Variants in GALNTL6 observed in about 807,000 individuals in gnomAD.
GALNTL6 encodes polypeptide N-acetylgalactosaminyltransferase-like 6.
GALNTL6 carries 46 observed loss-of-function variants against 73.7 expected under a neutral mutation model. The observed-to-expected ratio is 0.62, with a 90% CI of 0.49 to 0.80. The LOEUF (loss-of-function observed/expected upper bound fraction) is 0.80. Among genes scored for constraint, GALNTL6 ranks in the 30% least tolerant of loss-of-function variants. GALNTL6 has a pLI of 0.00. For missense variants in GALNTL6, 604 were observed against 755.0 expected (o/e 0.80, Z 2.34); for synonymous variants, 259 against 263.7 (o/e 0.98, Z 0.17).
At position 172,893,721 on chromosome 4, in the gene GALNTL6, G is replaced by C. The variant is rs545898943; in HGVS notation, c.1041+10814G>C. Among the ~76,000 whole-genome samples, 593 of 152,330 alleles carry C rather than the reference G, an allele frequency of 3.9e-3. 3 individuals are homozygous for C. Among genetic ancestry groups the C allele is most frequent in the South Asian group, 0.014 (66 of 4,830 alleles). On this transcript the variant is annotated intron_variant, in intron 8 of 12. Transcript: ENST00000506823. ...CTGTTGTCACTCAGAACAAGATGGA[G>C]AGCCTGGGGGGAAGGGTACCTATGG...
intron 3 of GALNTL6, among the ~76,000 whole-genome samples, chr4:172,270,494 A>G (rs910665508): frequency 3.9e-5 from 6 of 152,150 alleles, no homozygotes; most frequent in African/African-American, 1.4e-4. Context: ...GGCTTGTTCA[A>G]TACACATGAT....
At chr4:171,982,663 T>C (rs1739940754) in intron 2 of GALNTL6, among the ~76,000 whole-genome samples, 1 of 152,170 alleles carries the variant, frequency 6.6e-6, no homozygotes, top group Non-Finnish European at 1.5e-5. Context: ...AGTCCCCACA[T>C]CAACCCCTTG....
At chr4:172,857,180 C>T (rs369140348) in intron 7 of GALNTL6, among the ~76,000 whole-genome samples, 2 of 152,188 alleles carry the variant, frequency 1.3e-5, no homozygotes, top group South Asian at 2.1e-4. Flanking sequence ...TCCCTGAAGG[C>T]GGGAAGCAAA....
At chr4:172,130,680 T>G (rs373580826) in intron 2 of GALNTL6, among the ~76,000 whole-genome samples, 2 of 152,096 alleles carry the variant, frequency 1.3e-5, no homozygotes, top group South Asian at 4.1e-4. Context: ...TTAGAAACTG[T>G]TAGGTTTTAA....
intron 7 of GALNTL6, among the ~76,000 whole-genome samples, chr4:172,855,263 A>C (rs2111120382): frequency 6.6e-6 from 1 of 151,972 alleles, no homozygotes; most frequent in Non-Finnish European, 1.5e-5. Flanking sequence ...TGTGATTCAC[A>C]TACCACTGTG....
chr4:172,833,268 A>G (rs775110197), intron 7 of GALNTL6, among the ~76,000 whole-genome samples: 1 of 151,572 alleles, frequency 6.6e-6, no homozygotes, highest in Admixed American at 6.6e-5. Flanking sequence ...TTTTCTCAGT[A>G]ATTCTGGAAA....
At chr4:172,104,211 G>A (rs931578347) in intron 2 of GALNTL6, among the ~76,000 whole-genome samples, 16 of 152,122 alleles carry the variant, frequency 1.1e-4, no homozygotes, top group Non-Finnish European at 1.9e-4. Flanking sequence ...CCAAAGTGCT[G>A]GGATTACAGG....
At position 172,299,780 on chromosome 4, in the gene GALNTL6, A is replaced by G. The variant is rs185549165; in HGVS notation, c.248-11834A>G. ...TTTTACGTTTGCTGAGGAGTGCTTTACTTCCAACTATGTGGTCAATTTTGG... is the reference window on the plus strand; with the variant it reads ...TTTTACGTTTGCTGAGGAGTGCTTTGCTTCCAACTATGTGGTCAATTTTGG... On this transcript the variant is annotated intron_variant, in intron 3 of 12. Coordinates refer to ENST00000506823, the MANE Select transcript of GALNTL6 (RefSeq NM_001034845.3). 4.8e-3 allele frequency among the ~76,000 whole-genome samples: 733 copies of G among 152,312 alleles called. 1 individual carries two copies. The highest frequency in any genetic ancestry group is 0.014 in the Admixed American group (208 of 15,298).
At chr4:172,243,216 T>C (rs541843113) in intron 3 of GALNTL6, among the ~76,000 whole-genome samples, 1 of 152,268 alleles carries the variant, frequency 6.6e-6, no homozygotes, top group South Asian at 2.1e-4. Flanking sequence ...GCACTTCTCA[T>C]ACATATCTTC....
intron 5 of GALNTL6, among the ~76,000 whole-genome samples, chr4:172,572,727 T>C (rs887687210): frequency 8.5e-5 from 13 of 152,184 alleles, no homozygotes; most frequent in Non-Finnish European, 1.6e-4. Flanking sequence ...ATTTCATTTT[T>C]CCGAATGTTC....
At chr4:171,935,089 G>A (rs938693421) in intron 2 of GALNTL6, among the ~76,000 whole-genome samples, 4 of 152,266 alleles carry the variant, frequency 2.6e-5, no homozygotes, top group South Asian at 4.1e-4. Context: ...CAGGATGTGA[G>A]ATGCCAGTAG....
intron 2 of GALNTL6, among the ~76,000 whole-genome samples, chr4:172,107,440 T>C (rs1732705382): frequency 6.6e-6 from 1 of 151,956 alleles, no homozygotes; most frequent in African/African-American, 2.4e-5. Flanking sequence ...CTTGTATCTA[T>C]AAAACTAATT....
At chr4:172,839,929 C>A (rs1305780014) in intron 7 of GALNTL6, among the ~76,000 whole-genome samples, 1 of 152,142 alleles carries the variant, frequency 6.6e-6, no homozygotes, top group Non-Finnish European at 1.5e-5. Flanking sequence ...TTAAACAAAA[C>A]AAATACATAA....
intron 5 of GALNTL6, among the ~76,000 whole-genome samples, chr4:172,698,475 C>T (rs187395579): frequency 3.3e-5 from 5 of 152,306 alleles, no homozygotes; most frequent in Non-Finnish European, 7.3e-5. Flanking sequence ...AAGGCTTCCT[C>T]TTGTGGGCTT....
chr4:172,228,144 TG>T (rs1483442427), intron 2 of GALNTL6, among the ~76,000 whole-genome samples: 1 of 151,056 alleles, frequency 6.6e-6, no homozygotes, highest in African/African-American at 2.5e-5. Context: ...TTCAAAAAAA[TG>T]TTTGATTTTT....
chr4:172,789,015 G>A (rs982269585), intron 5 of GALNTL6, among the ~76,000 whole-genome samples: 12 of 152,042 alleles, frequency 7.9e-5, no homozygotes, highest in African/African-American at 2.7e-4. Context: ...CAACATAGAA[G>A]ACATCTGTGA....
chr4:172,569,933 C>T (rs1244429270), intron 5 of GALNTL6, among the ~76,000 whole-genome samples: 4 of 152,080 alleles, frequency 2.6e-5, no homozygotes, highest in South Asian at 2.1e-4. Context: ...GGACGTAGTA[C>T]GACAGATGCC....
chr4:172,202,613 T>C (rs574643585), intron 2 of GALNTL6, among the ~76,000 whole-genome samples: 1 of 152,272 alleles, frequency 6.6e-6, no homozygotes, highest in South Asian at 2.1e-4. Context: ...CCAAAATAAG[T>C]ATCTAGGTAA....
intron 5 of GALNTL6, among the ~76,000 whole-genome samples, chr4:172,653,396 T>G (rs1045318629): frequency 6.6e-6 from 1 of 152,070 alleles, no homozygotes; most frequent in Non-Finnish European, 1.5e-5. Context: ...ATTTTTTGTA[T>G]TTTTAGTAGA....
Sources: gnomAD v4.1 joint callset for allele counts (sites outside exome capture counted in the v4.1 genomes callset) on GRCh38, gnomAD v4.1.1 for gene constraint, MANE v1.5 for transcripts, NCBI Gene and HGNC (gene_info 2026-07-23, HGNC 2026-07-21) for gene names.